TLL1: variants seen among roughly 807,000 people sequenced by gnomAD.
TLL1 encodes tolloid-like protein 1.
TLL1 carries 49 observed loss-of-function variants against 128.2 expected under a neutral mutation model. That is an observed-to-expected ratio of 0.38 (90% CI 0.30 to 0.48). TLL1 has a LOEUF of 0.48. Ranked by LOEUF, TLL1 falls within the 20% of genes least tolerant of loss-of-function variation. The probability of loss-of-function intolerance (pLI) is 0.96; values close to 1 mark genes in which losing one functional copy is unlikely to be tolerated. For synonymous variants in TLL1, 454 were observed against 418.8 expected (o/e 1.08, Z -1.03); for missense variants, 1,123 against 1,242.0 (o/e 0.90, Z 1.44).
chr4:165,924,825 A>C (rs930555580), intron 1 of TLL1, among the ~76,000 whole-genome samples: 2 of 152,160 alleles, frequency 1.3e-5, no homozygotes, highest in Non-Finnish European at 1.5e-5. Context: ...AAGGCAGCTA[A>C]TGACTTTAAG....
chr4:166,043,193 T>G, intron 11 of TLL1, 81 bp from the exon 12 acceptor site: 2 of 1,598,350 alleles, frequency 1.3e-6, no homozygotes, highest in Non-Finnish European at 1.7e-6. Context: ...GGAGCTGAAC[T>G]TCAATGTTAC....
chr4:165,950,635 T>G (rs1469394459), intron 1 of TLL1, among the ~76,000 whole-genome samples: 2 of 152,016 alleles, frequency 1.3e-5, no homozygotes, highest in South Asian at 2.1e-4. Context: ...TTGGAAATAT[T>G]AAATAACGTA....
At position 166,074,007 on chromosome 4, in the gene TLL1, T is replaced by C. The variant is rs17047219; in HGVS notation, c.2189-871T>C. 5.6e-3 allele frequency among the ~76,000 whole-genome samples: 856 copies of C among 152,178 alleles called. 11 individuals are homozygous for C. Among genetic ancestry groups the C allele is most frequent in the African/African-American group, 0.02 (824 of 41,526 alleles). On this transcript the variant is annotated intron_variant, in intron 16 of 20. Transcript: ENST00000061240. ...CAGGAGCAATCTGCCAGTTTTGACG[T>C]TAATGGACAGGCCAGCTATGGAACG...
intron 1 of TLL1, among the ~76,000 whole-genome samples, chr4:165,979,455 A>G (rs1057184980): frequency 3.3e-5 from 5 of 152,162 alleles, no homozygotes; most frequent in African/African-American, 1.2e-4. Flanking sequence ...ATTATTAAGC[A>G]AAAAGAAGTA....
At chr4:165,900,538 T>C (rs1451937760) in intron 1 of TLL1, among the ~76,000 whole-genome samples, 1 of 152,206 alleles carries the variant, frequency 6.6e-6, no homozygotes, top group East Asian at 1.9e-4. Context: ...AAAATTCTTT[T>C]CTTTAAGAAT....
intron 1 of TLL1, among the ~76,000 whole-genome samples, chr4:165,938,442 G>A (rs541884906): frequency 1.3e-5 from 2 of 152,082 alleles, no homozygotes; most frequent in African/African-American, 2.4e-5. Context: ...TGGTGCTTCC[G>A]CCTGAGGAAT....
At position 166,061,989 on chromosome 4, in the gene TLL1, T is replaced by G. The variant is rs1344355705; in HGVS notation, c.2007+1801T>G. ...TTAAATAGGGAATCCTTTCCCCATTTCTTGTTTTTGTCAGGTTTGTCAAAG... is the reference window on the plus strand; with the variant it reads ...TTAAATAGGGAATCCTTTCCCCATTGCTTGTTTTTGTCAGGTTTGTCAAAG... On this transcript the variant is annotated intron_variant, in intron 15 of 20. Transcript: ENST00000061240. Among the ~76,000 whole-genome samples the G allele has an allele frequency of 2.6e-5, 4 of 152,218 alleles. No homozygotes were observed. The South Asian group carries it at 6.2e-4, about 24-fold the overall frequency.
At chr4:165,928,005 T>C (rs1424996144) in intron 1 of TLL1, among the ~76,000 whole-genome samples, 1 of 152,218 alleles carries the variant, frequency 6.6e-6, no homozygotes, top group Non-Finnish European at 1.5e-5. Context: ...CTCTCTGTTT[T>C]ACGCTAAATG....
intron 1 of TLL1, among the ~76,000 whole-genome samples, chr4:165,925,033 C>T (rs749309900): frequency 6.6e-6 from 1 of 152,210 alleles, no homozygotes; most frequent in Non-Finnish European, 1.5e-5. Flanking sequence ...CAAAATATGA[C>T]TGCTCATTGG....
intron 1 of TLL1, among the ~76,000 whole-genome samples, chr4:165,973,591 G>C (rs1007001948): frequency 1.3e-5 from 2 of 151,764 alleles, no homozygotes; most frequent in African/African-American, 4.8e-5. Context: ...GGCAGATCTT[G>C]AGGGGTGCAT....
At chr4:166,015,219 G>T (rs930171066) in intron 8 of TLL1, among the ~76,000 whole-genome samples, 7 of 151,940 alleles carry the variant, frequency 4.6e-5, no homozygotes, top group African/African-American at 1.7e-4. Flanking sequence ...CACAATATTT[G>T]AAATATCCTA....
chr4:165,909,062 C>T (rs1323244748), intron 1 of TLL1, among the ~76,000 whole-genome samples: 1 of 152,024 alleles, frequency 6.6e-6, no homozygotes, highest in Non-Finnish European at 1.5e-5. Flanking sequence ...CCGGGTGTGC[C>T]TATAATCCCA....
At chr4:165,959,107 T>G (rs997565513) in intron 1 of TLL1, among the ~76,000 whole-genome samples, 1 of 151,546 alleles carries the variant, frequency 6.6e-6, no homozygotes, top group Non-Finnish European at 1.5e-5. Flanking sequence ...CTGTTTTGGT[T>G]ACTGTAGCCT....
intron 1 of TLL1, among the ~76,000 whole-genome samples, chr4:165,943,356 T>C (rs1734105867): frequency 6.6e-6 from 1 of 152,082 alleles, no homozygotes; most frequent in East Asian, 1.9e-4. Context: ...TTAATTTTAT[T>C]TATGCTCTTA....
chr4:166,090,407 T>C (rs1360255086), intron 18 of TLL1, among the ~76,000 whole-genome samples: 1 of 152,066 alleles, frequency 6.6e-6, no homozygotes, highest in Non-Finnish European at 1.5e-5. Flanking sequence ...TTATTTTAAA[T>C]GTGCTAAGTC....
At chr4:165,885,727 G>A (rs1731139440) in intron 1 of TLL1, among the ~76,000 whole-genome samples, 1 of 151,962 alleles carries the variant, frequency 6.6e-6, no homozygotes, top group African/African-American at 2.4e-5. Flanking sequence ...TTTTTCACAG[G>A]AAAAAAATGG....
intron 8 of TLL1, among the ~76,000 whole-genome samples, chr4:166,020,442 A>G (rs1396967977): frequency 6.6e-6 from 1 of 152,156 alleles, no homozygotes; most frequent in Non-Finnish European, 1.5e-5. Context: ...TTAGCAGTTT[A>G]TTTGTGAAGG....
At chr4:166,051,303 C>CTTCCTTCCTTCCTTCCTTCCTTCCTTCCT (rs1560836696) in intron 12 of TLL1, among the ~76,000 whole-genome samples, 1 of 94,360 alleles carries the variant, frequency 1.1e-5, no homozygotes, top group African/African-American at 7.3e-5. Context: ...CCCTCCTTTC[C>CTTCCTTCCTTCCTTCCTTCCTTCCTTCCT]TTCCTTCCTT....
chr4:166,066,356 T>A (rs1740575996), intron 16 of TLL1, among the ~76,000 whole-genome samples: 1 of 151,782 alleles, frequency 6.6e-6, no homozygotes, highest in Non-Finnish European at 1.5e-5. Context: ...ACATTTAGTT[T>A]AAGCAGCTCA....
Sources: gnomAD v4.1 joint callset for allele counts (sites outside exome capture counted in the v4.1 genomes callset) on GRCh38, gnomAD v4.1.1 for gene constraint, MANE v1.5 for transcripts, NCBI Gene and HGNC (gene_info 2026-07-23, HGNC 2026-07-21) for gene names.